The following CUX1 variants were observed in gnomAD, a reference collection of about 807,000 sequenced individuals.
CUX1 encodes the protein protein CASP.
CUX1 carries 31 observed loss-of-function variants against 158.8 expected under a neutral mutation model. The ratio of observed to expected loss-of-function variants is 0.20; its 90% confidence interval spans 0.15 to 0.26. The LOEUF is 0.26. CUX1 is among the 10% of genes least tolerant of loss of function. The pLI, the probability that CUX1 is intolerant of heterozygous loss-of-function variation, is 1.00. For synonymous variants in CUX1, 879 were observed against 862.1 expected, an observed-to-expected ratio of 1.02 and a Z score of -0.34; for missense variants, 1,589 against 2,014.6, an observed-to-expected ratio of 0.79 and a Z score of 4.04.
intron 5 of CUX1, among the ~76,000 whole-genome samples, chr7:102,103,471 C>T (rs1830004671): frequency 6.6e-6 from 1 of 151,948 alleles, no homozygotes; most frequent in Non-Finnish European, 1.5e-5. Flanking sequence ...CACTCTGTCA[C>T]CCAGGTTGGA....
intron 8 of CUX1, among the ~76,000 whole-genome samples, chr7:102,155,676 C>T (rs1789675738): frequency 6.6e-6 from 1 of 152,222 alleles, no homozygotes; most frequent in African/African-American, 2.4e-5. Context: ...CAGCTTTCTG[C>T]ATTGACTGGT....
At chr7:101,861,456 C>T (rs1797450555) in intron 1 of CUX1, among the ~76,000 whole-genome samples, 1 of 152,162 alleles carries the variant, frequency 6.6e-6, no homozygotes, top group African/African-American at 2.4e-5. Context: ...GGAAATGGTT[C>T]AGTCATTTGA....
chr7:102,094,011 A>G (rs1023612616), intron 4 of CUX1, among the ~76,000 whole-genome samples: 9 of 152,194 alleles, frequency 5.9e-5, no homozygotes, highest in Non-Finnish European at 1.3e-4. Context: ...TGGGGTTTAA[A>G]TGGCATTGGA....
chr7:102,005,324 TTTTTG>T (rs1033367363), intron 2 of CUX1, among the ~76,000 whole-genome samples: 54 of 152,086 alleles, frequency 3.6e-4, no homozygotes, highest in Admixed American at 2.6e-3. Flanking sequence ...CCGGCCTGGT[TTTTTG>T]TTTTGTTTTG....
At chr7:102,010,628 T>G (rs1817890920) in intron 2 of CUX1, among the ~76,000 whole-genome samples, 1 of 152,136 alleles carries the variant, frequency 6.6e-6, no homozygotes, top group Admixed American at 6.6e-5. Flanking sequence ...TGTGCGTATT[T>G]AAGTAAATAT....
intron 14 of CUX1, among the ~76,000 whole-genome samples, chr7:102,268,742 A>G (rs1295118997): frequency 6.6e-6 from 1 of 151,942 alleles, no homozygotes; most frequent in Non-Finnish European, 1.5e-5. Context: ...GGCTTTACTC[A>G]TGGTGGAAGG....
At chr7:102,145,238 G>A (rs2131433807) in intron 8 of CUX1, among the ~76,000 whole-genome samples, 1 of 151,964 alleles carries the variant, frequency 6.6e-6, no homozygotes, top group Admixed American at 6.6e-5. Flanking sequence ...CTAGAAATGG[G>A]GTCATTTGTC....
chr7:102,172,288 T>G (rs533493389), intron 10 of CUX1, among the ~76,000 whole-genome samples: 2 of 152,206 alleles, frequency 1.3e-5, no homozygotes, highest in East Asian at 1.9e-4. Flanking sequence ...GATGGGGTTT[T>G]GCCACATTGC....
chr7:102,193,828 T>C lies in CUX1; in HGVS notation c.1077-14T>C. On this transcript the variant is annotated splice_polypyrimidine_tract_variant and intron_variant, in intron 12 of 23. Transcript: ENST00000292535. Reference sequence around the variant, plus strand: ...AAAAATAAATAAAATAACCCCTCTGTTGTGCTCTTGCAGCATTCTGAAGTC... The same window carrying C: ...AAAAATAAATAAAATAACCCCTCTGCTGTGCTCTTGCAGCATTCTGAAGTC... 1 of 1,613,512 alleles carries C rather than the reference T, an allele frequency of 6.2e-7. No homozygotes were observed. The highest frequency in any genetic ancestry group is 8.5e-7 in the Non-Finnish European group (1 of 1,179,776).
chr7:102,035,072 T>TAAA (rs55710671), intron 3 of CUX1, among the ~76,000 whole-genome samples: 1 of 139,490 alleles, frequency 7.2e-6, no homozygotes, highest in Non-Finnish European at 1.5e-5. Context: ...CCAGTGGTGG[T>TAAA]AAAAAAAAAA....
chr7:102,255,080 C>T lies in CUX1; in HGVS notation c.*6038C>T, dbSNP rs371152466. ...AAGCCCCAGCCCTACTCCCGGCCCC[C>T]CAGCCCAGTCTTCCCAATCCCAGAG... On this transcript the variant is annotated 3_prime_UTR_variant, in exon 24 of 24. Coordinates refer to ENST00000292535, the MANE Select transcript of CUX1 (RefSeq NM_181552.4). The T allele has an allele frequency of 3.0e-6, 3 of 985,396 alleles. No individual in the cohort carries two copies. Among genetic ancestry groups the T allele is most frequent in the Non-Finnish European group, 3.6e-6 (3 of 830,054 alleles). 61.0% of individuals were successfully genotyped at this position (985,396 alleles called of 1,614,324 possible).
chr7:101,969,379 AAAAAG>A (rs993114606), intron 2 of CUX1, among the ~76,000 whole-genome samples: 1 of 151,222 alleles, frequency 6.6e-6, no homozygotes, highest in African/African-American at 2.4e-5. Flanking sequence ...AAAAAAAAAA[AAAAAG>A]CAGGCACCCA....
rs1479158652 is a variant in CUX1, at chr7:102,159,068, C to T, written c.723+460C>T. ...TCCTAGGAGAGTTCCTTAGTGTAGA[C>T]ATCTCACCACGGTGTTATCCTAGGA... On this transcript the variant is annotated intron_variant, in intron 9 of 23. Transcript: ENST00000292535. Among the ~76,000 whole-genome samples the T allele has an allele frequency of 8.2e-5, 11 of 134,518 alleles. No individual in the cohort carries two copies. In the East Asian group the frequency reaches 2.3e-3, roughly 28 times the overall value. 88.2% of individuals were successfully genotyped at this position (134,518 alleles called of 152,430 possible).
chr7:102,254,303 TC>T lies in CUX1; in HGVS notation c.*5264del. 1.0e-6 allele frequency: 1 copy of T among 985,490 alleles called. No individual in the cohort carries two copies. The highest frequency in any genetic ancestry group is 4.7e-5 in the South Asian group (1 of 21,274). The allele number at this position is 985,490 out of a possible 1,614,324, so 61.0% of individuals were successfully genotyped here. On this transcript the variant is annotated 3_prime_UTR_variant, in exon 24 of 24. Transcript: ENST00000292535. Reference sequence around the variant, plus strand: ...TCCTTGTCCCGGACTGCCCCAAAGTTCCCAGCTGGCTTTGGGGAACACTGTA... The same window carrying T: ...TCCTTGTCCCGGACTGCCCCAAAGTTCCAGCTGGCTTTGGGGAACACTGTA...
At chr7:102,079,465 G>T (rs1313869525) in intron 4 of CUX1, among the ~76,000 whole-genome samples, 1 of 151,832 alleles carries the variant, frequency 6.6e-6, no homozygotes, top group Admixed American at 6.6e-5. Context: ...AAAATCTTAT[G>T]ATTTCGTTAG....
chr7:101,901,292 A>G (rs1227722978), intron 1 of CUX1, among the ~76,000 whole-genome samples: 1 of 151,606 alleles, frequency 6.6e-6, no homozygotes, highest in Admixed American at 6.6e-5. Flanking sequence ...ATTAAGCAAA[A>G]TCTGTTTTTA....
intron 1 of CUX1, among the ~76,000 whole-genome samples, chr7:101,858,674 T>TG (rs1226516631): frequency 6.8e-6 from 1 of 147,678 alleles, no homozygotes; most frequent in Non-Finnish European, 1.5e-5. Context: ...TTTTTTTTTT[T>TG]TTTTTTTTTG....
chr7:102,161,674 G>A (rs1272339235), intron 9 of CUX1, among the ~76,000 whole-genome samples: 1 of 152,004 alleles, frequency 6.6e-6, no homozygotes, highest in South Asian at 2.1e-4. Context: ...GCAATGGCAC[G>A]ATCTCAGCTC....
chr7:102,167,683 C>T lies in CUX1; in HGVS notation c.724-2763C>T, dbSNP rs370265458. On this transcript the variant is annotated intron_variant, in intron 9 of 23. Coordinates refer to ENST00000292535, the MANE Select transcript of CUX1 (RefSeq NM_181552.4). ...CTGACCAGCAAGGGAGGCGTAAGCTCTTCAGTGATTTGACGTGATCATCAG... is the reference window on the plus strand; with the variant it reads ...CTGACCAGCAAGGGAGGCGTAAGCTTTTCAGTGATTTGACGTGATCATCAG... Among the ~76,000 whole-genome samples, 6 of 152,340 alleles carry T rather than the reference C, an allele frequency of 3.9e-5. No homozygotes were observed. In the South Asian group the frequency reaches 1.0e-3, roughly 26 times the overall value.
Sources: allele counts gnomAD v4.1 joint callset (sites outside exome capture counted in the v4.1 genomes callset), GRCh38; gene constraint gnomAD v4.1.1; transcripts MANE v1.5; gene names NCBI Gene and HGNC (gene_info 2026-07-23, HGNC 2026-07-21).